DNAJC10: variants seen among roughly 807,000 people sequenced by gnomAD.
DNAJC10 encodes the protein endoplasmic reticulum disulfide reductase DNAJC10.
A neutral mutation model predicts 115.0 loss-of-function variants in DNAJC10; 101 were observed. That is an observed-to-expected ratio of 0.88 (90% CI 0.75 to 1.04). DNAJC10 has a LOEUF of 1.04. Among genes scored for constraint, DNAJC10 ranks in the 50% least tolerant of loss-of-function variants. DNAJC10 has a pLI of 0.00. For missense variants in DNAJC10, 981 were observed against 928.8 expected, an observed-to-expected ratio of 1.06 and a Z score of -0.73; for synonymous variants, 307 against 301.5, an observed-to-expected ratio of 1.02 and a Z score of -0.19.
chr2:182,779,292 G>GTAGA lies in DNAJC10; in HGVS notation c.*2165_*2168dup, dbSNP rs1182563913. ...AGCTTTTAATGGCTATATTGATACA[G>GTAGA]TAGATAGAGCACCTCTAAGGAGTAC... is the stretch of plus-strand genomic sequence containing the variant. On this transcript the variant is annotated 3_prime_UTR_variant, in exon 24 of 24. Coordinates refer to ENST00000264065, the MANE Select transcript of DNAJC10 (RefSeq NM_018981.4). 1 of 152,202 alleles carries GTAGA rather than the reference G, an allele frequency of 6.6e-6. No homozygotes were observed. The highest frequency in any genetic ancestry group is 2.4e-5 in the African/African-American group (1 of 41,462). 9.4% of individuals were successfully genotyped at this position (152,202 alleles called of 1,614,324 possible). A position where few individuals can be genotyped will look rare whatever the true frequency, so the allele number is the denominator to read the frequency against.
Position 182,762,743 on chromosome 2 carries a change from A to G in DNAJC10, c.2207A>G (p.Gln736Arg). Residue 736 changes from glutamine to arginine, a missense_variant, in exon 22 of 24, where the codon CAG becomes CGG. By Grantham distance (43) the Gln-to-Arg change is conservative. Coordinates refer to ENST00000264065, the MANE Select transcript of DNAJC10 (RefSeq NM_018981.4). Reference sequence around the variant, plus strand: ...TGTCAGGCTTATGCTCAGACATGCCAGAAAGCTGGGATCAGGGCCTATCCA... The same window carrying G: ...TGTCAGGCTTATGCTCAGACATGCCGGAAAGCTGGGATCAGGGCCTATCCA... Reference protein sequence around the residue: ...VDCQAYAQTCQKAGIRAYPTV... With the variant: ...VDCQAYAQTCRKAGIRAYPTV... 1 of 1,612,796 alleles carries G rather than the reference A, an allele frequency of 6.2e-7. No homozygotes were observed. Among genetic ancestry groups the G allele is most frequent in the Non-Finnish European group, 8.5e-7 (1 of 1,179,036 alleles).
At chr2:182,759,020 T>C in intron 20 of DNAJC10, 130 bp downstream of exon 20, 1 of 1,033,486 alleles carries the variant, frequency 9.7e-7, no homozygotes, top group Non-Finnish European at 1.4e-6. Context: ...AGTATTATAT[T>C]AACCAAGATA....
intron 13 of DNAJC10, 78 bp from the exon 14 acceptor site, chr2:182,743,520 T>A (rs1693788915): frequency 9.5e-7 from 1 of 1,056,492 alleles, no homozygotes; most frequent in Admixed American, 1.9e-5. Flanking sequence ...GCAGTGCCAT[T>A]TTTGGATTAT....
intron 14 of DNAJC10, among the ~76,000 whole-genome samples, chr2:182,749,409 A>G (rs888385454): frequency 6.7e-6 from 1 of 148,206 alleles, no homozygotes. Flanking sequence ...ACCATTAGGT[A>G]ATGGCCTTCT....
intron 15 of DNAJC10, 52 bp downstream of exon 15, chr2:182,751,837 A>G (rs775671218): frequency 6.3e-7 from 1 of 1,583,756 alleles, no homozygotes; most frequent in Non-Finnish European, 8.6e-7. Context: ...TTCTCCTGTT[A>G]TGGCAAAAAG....
rs150791926 is a variant in DNAJC10 at position 182,729,179 on chromosome 2, C to T, written c.633+185C>T. 4.7e-3 allele frequency: 2,651 copies of T among 561,080 alleles called. 63 individuals carry two copies. Among genetic ancestry groups the T allele is most frequent in the African/African-American group, 0.046 (2,405 of 52,106 alleles). The allele number at this position is 561,080 out of a possible 1,614,324, so 34.8% of individuals were successfully genotyped here. The stretch of plus-strand genomic sequence containing the variant: ...AATTTTTTTTTTTGAGATGGAGTCT[C>T]ACTCTGTTGCCCAGGCTGGAGTGCA... On this transcript the variant is annotated intron_variant, in intron 7 of 23. Coordinates refer to ENST00000264065, the MANE Select transcript of DNAJC10 (RefSeq NM_018981.4).
chr2:182,743,326 A>G (rs915390419), intron 13 of DNAJC10, among the ~76,000 whole-genome samples: 3 of 152,128 alleles, frequency 2.0e-5, no homozygotes, highest in African/African-American at 4.8e-5. Flanking sequence ...AACATTCTCT[A>G]CATCTTCAAA....
At position 182,778,132 on chromosome 2, in the gene DNAJC10, T is replaced by TGAAAGAAAA. The variant is rs1694757478; in HGVS notation, c.*1000_*1001insGAAAGAAAA. 6.6e-6 allele frequency: 1 copy of TGAAAGAAAA among 152,186 alleles called. No homozygotes were observed. Among genetic ancestry groups the TGAAAGAAAA allele is most frequent in the Non-Finnish European group, 1.5e-5 (1 of 68,042 alleles). 9.4% of individuals were successfully genotyped at this position (152,186 alleles called of 1,614,324 possible). A position where few individuals can be genotyped will look rare whatever the true frequency, so the allele number is the denominator to read the frequency against. On this transcript the variant is annotated 3_prime_UTR_variant, in exon 24 of 24. Transcript: ENST00000264065. ...TTTGTTTTGACCTGTATCCTTTATTTACATTGGGTTTTTCTTTCGTAGTTT... is the reference window on the plus strand; with the variant it reads ...TTTGTTTTGACCTGTATCCTTTATTTGAAAGAAAAACATTGGGTTTTTCTTTCGTAGTTT...
intron 9 of DNAJC10, 75 bp downstream of exon 9, chr2:182,731,182 C>A: frequency 9.4e-7 from 1 of 1,060,286 alleles, no homozygotes. Context: ...AAGTATGCTA[C>A]TGTAATTGAT....
intron 5 of DNAJC10, among the ~76,000 whole-genome samples, chr2:182,726,831 A>T (rs927694921): frequency 2.6e-5 from 4 of 152,150 alleles, no homozygotes; most frequent in Non-Finnish European, 5.9e-5. Context: ...TCCTGGGCTC[A>T]AGCAATCCTG....
Position 182,717,985 on chromosome 2 carries a change from G to C in DNAJC10, c.-102G>C, listed in dbSNP as rs951051457. On this transcript the variant is annotated 5_prime_UTR_variant, in exon 3 of 24. Coordinates refer to ENST00000264065, the MANE Select transcript of DNAJC10 (RefSeq NM_018981.4). ...GATTTGTGATGCTTGATTCACCCTT[G>C]AAGTAATGTAGACAGAAGTTCTCAA... 4.0e-6 allele frequency: 3 copies of C among 745,400 alleles called. No individual in the cohort carries two copies. Among genetic ancestry groups the C allele is most frequent in the Non-Finnish European group, 6.3e-6 (3 of 476,538 alleles). The allele number at this position is 745,400 out of a possible 1,614,324, so 46.2% of individuals were successfully genotyped here.
intron 22 of DNAJC10, among the ~76,000 whole-genome samples, chr2:182,768,892 G>A (rs1264399689): frequency 6.6e-6 from 1 of 152,012 alleles, no homozygotes; most frequent in African/African-American, 2.4e-5. Context: ...TTGATACATA[G>A]GTATACATGT....
intron 11 of DNAJC10, among the ~76,000 whole-genome samples, chr2:182,738,209 C>T (rs1693634261): frequency 6.6e-6 from 1 of 152,110 alleles, no homozygotes; most frequent in African/African-American, 2.4e-5. Flanking sequence ...TTGTAATGAG[C>T]AATCTTGTAT....
chr2:182,738,847 G>C (rs1011152734), intron 11 of DNAJC10, among the ~76,000 whole-genome samples: 1 of 151,988 alleles, frequency 6.6e-6, no homozygotes, highest in African/African-American at 2.4e-5. Context: ...GCCGCATTCA[G>C]GTTTTAAAAA....
rs755105630 is a variant in DNAJC10, at chr2:182,757,817, T to C, written c.1935T>C (p.Tyr645=). 5.4e-6 allele frequency: 8 copies of C among 1,475,752 alleles called. No individual in the cohort carries two copies. The highest frequency in any genetic ancestry group is 5.3e-5 in the Admixed American group (3 of 56,344). 91.4% of individuals were successfully genotyped at this position (1,475,752 alleles called of 1,614,324 possible). A position where few individuals can be genotyped will look rare whatever the true frequency, so the allele number is the denominator to read the frequency against. The change falls in exon 19 of 24, where the codon TAT becomes TAC. Residue 645 remains tyrosine, a synonymous_variant. Transcript: ENST00000264065. ...RFFPPKSNKA[Y]HYHSYNGWNR... is the part of the protein sequence containing the mutation. ...TTCCCCCAAAATCAAATAAAGCTTA[T>C]CATTATCAGTAAGTATTCTCTCATA...
chr2:182,770,870 G>A lies in DNAJC10; in HGVS notation c.2266-4446G>A, dbSNP rs531521566. Among the ~76,000 whole-genome samples the A allele has an allele frequency of 1.2e-4, 18 of 152,188 alleles. No individual in the cohort carries two copies. The East Asian group carries it at 2.3e-3, about 20-fold the overall frequency. On this transcript the variant is annotated intron_variant, in intron 22 of 23. Transcript: ENST00000264065. ...TTGAATAGGAGTGGTGAGAGAGGGCGTCCTTGTATTGTGCTGGTTTTCAAA... is the reference window on the plus strand; with the variant it reads ...TTGAATAGGAGTGGTGAGAGAGGGCATCCTTGTATTGTGCTGGTTTTCAAA...
chr2:182,743,845 A>G (rs1427028391), intron 14 of DNAJC10, 133 bp downstream of exon 14: 6 of 625,252 alleles, frequency 9.6e-6, no homozygotes, highest in East Asian at 2.8e-5. Flanking sequence ...ATATGAGGAC[A>G]GATATTTTGA....
intron 22 of DNAJC10, among the ~76,000 whole-genome samples, chr2:182,769,239 C>T (rs1176812597): frequency 3.9e-5 from 6 of 151,952 alleles, no homozygotes; most frequent in Non-Finnish European, 7.4e-5. Context: ...TGTACTTTTG[C>T]GGTGGTTCCA....
At chr2:182,742,898 G>C (rs1693772354) in intron 13 of DNAJC10, among the ~76,000 whole-genome samples, 1 of 151,598 alleles carries the variant, frequency 6.6e-6, no homozygotes, top group African/African-American at 2.4e-5. Flanking sequence ...CCAGGCTGGA[G>C]TGCAGTGGTG....
Sources: allele counts gnomAD v4.1 joint callset (sites outside exome capture counted in the v4.1 genomes callset), GRCh38; gene constraint gnomAD v4.1.1; transcripts MANE v1.5; gene names NCBI Gene and HGNC (gene_info 2026-07-23, HGNC 2026-07-21).